Variants in ADAMTS2 observed in about 807,000 individuals in gnomAD.
ADAMTS2 encodes ADAM metallopeptidase with thrombospondin type 1 motif 2.
ADAMTS2 carries 50 observed loss-of-function variants against 123.0 expected under a neutral mutation model. The observed-to-expected ratio is 0.41, with a 90% CI of 0.32 to 0.51. The LOEUF is 0.51. Ranked by LOEUF, ADAMTS2 falls within the 20% of genes least tolerant of loss-of-function variation. ADAMTS2 has a pLI of 0.35. For synonymous variants in ADAMTS2, 678 were observed against 695.4 expected (o/e 0.98, Z 0.39); for missense variants, 1,494 against 1,705.2 (o/e 0.88, Z 2.18).
intron 2 of ADAMTS2, among the ~76,000 whole-genome samples, chr5:179,275,980 C>A (rs202005537): frequency 0.038 from 5,857 of 152,270 alleles, 150 homozygotes; most frequent in Non-Finnish European, 0.063. Context: ...GCCTAGGAGG[C>A]AGTGGTAACC....
chr5:179,169,341 C>T (rs1209489388), intron 5 of ADAMTS2, among the ~76,000 whole-genome samples: 2 of 152,200 alleles, frequency 1.3e-5, no homozygotes, highest in East Asian at 3.9e-4. Context: ...TCCCAGCCCC[C>T]AGAACAGTGA....
chr5:179,316,507 C>G lies in ADAMTS2; in HGVS notation c.534+27260G>C. 1.3e-5 allele frequency among the ~76,000 whole-genome samples: 2 copies of G among 152,210 alleles called. 1 individual carries two copies. The highest frequency in any genetic ancestry group is 2.9e-5 in the Non-Finnish European group (2 of 68,026). ...GGGCTCCCCAGCCCCACAGAACACC[C>G]TCCCCACTCCCAGGGATGGCATTTG... On this transcript the variant is annotated intron_variant, in intron 2 of 21. Transcript: ENST00000251582.
chr5:179,299,549 A>ACACACACACG (rs1210894332), intron 2 of ADAMTS2, among the ~76,000 whole-genome samples: 9 of 150,436 alleles, frequency 6.0e-5, no homozygotes, highest in Non-Finnish European at 7.4e-5. Context: ...ACACACACAC[A>ACACACACACG]CACACACACA....
intron 3 of ADAMTS2, among the ~76,000 whole-genome samples, chr5:179,240,727 A>T (rs750587931): frequency 2.0e-5 from 3 of 152,146 alleles, no homozygotes; most frequent in Non-Finnish European, 4.4e-5. Flanking sequence ...GTGCGTGTGG[A>T]TCTTGCTGTT....
intron 3 of ADAMTS2, among the ~76,000 whole-genome samples, chr5:179,238,740 G>GTGGGGTC (rs1765592381): frequency 6.6e-6 from 1 of 152,216 alleles, no homozygotes; most frequent in Admixed American, 6.5e-5. Flanking sequence ...GCTGGGTCGT[G>GTGGGGTC]TGGGGTCTGG....
chr5:179,333,013 C>T (rs1757520462), intron 2 of ADAMTS2, among the ~76,000 whole-genome samples: 1 of 152,188 alleles, frequency 6.6e-6, no homozygotes, highest in Admixed American at 6.5e-5. Flanking sequence ...AGGACCCCTC[C>T]CTACTGTGTG....
intron 10 of ADAMTS2, 82 bp downstream of exon 10, chr5:179,152,060 G>C (rs1000553899): frequency 1.5e-6 from 2 of 1,320,906 alleles, no homozygotes; most frequent in African/African-American, 2.9e-5. Context: ...CCCCACTTCA[G>C]GGCCTGTCCC....
At chr5:179,145,651 T>C (rs531713788) in intron 10 of ADAMTS2, among the ~76,000 whole-genome samples, 2 of 152,182 alleles carry the variant, frequency 1.3e-5, no homozygotes, top group South Asian at 2.1e-4. Context: ...ATGTCCAGAA[T>C]TGGAAAATCG....
At chr5:179,274,102 A>C (rs1463989281) in intron 2 of ADAMTS2, among the ~76,000 whole-genome samples, 2 of 129,660 alleles carry the variant, frequency 1.5e-5, no homozygotes, top group Admixed American at 8.3e-5. Context: ...CCTGCCATCC[A>C]GCCTGCCCTC....
intron 3 of ADAMTS2, among the ~76,000 whole-genome samples, chr5:179,217,838 AC>A (rs200871642): frequency 6.9e-4 from 59 of 85,940 alleles, no homozygotes; most frequent in African/African-American, 2.7e-3. Context: ...CTGAGGGCAG[AC>A]AGGCACACTC....
rs1053008910 is a variant in ADAMTS2, at chr5:179,175,293, G to A, written c.975+5779C>T. On this transcript the variant is annotated intron_variant, in intron 5 of 21. Coordinates refer to ENST00000251582, the MANE Select transcript of ADAMTS2 (RefSeq NM_014244.5). The surrounding 1 kb of genome is among the most constrained non-coding windows in gnomAD (Gnocchi z 4.1). ...TTGGAGGATGTCTCTTCCTTGCTTG[G>A]GTTCCGCAGCTGTCTCAGCCATTCT... Among the ~76,000 whole-genome samples the A allele has an allele frequency of 7.2e-5, 11 of 152,044 alleles. No homozygotes were observed. Among genetic ancestry groups the A allele is most frequent in the African/African-American group, 2.4e-4 (10 of 41,374 alleles).
At chr5:179,204,366 TAA>T (rs1764630807) in intron 4 of ADAMTS2, among the ~76,000 whole-genome samples, 1 of 152,236 alleles carries the variant, frequency 6.6e-6, no homozygotes, top group African/African-American at 2.4e-5. Flanking sequence ...TCACCGCAAT[TAA>T]AATTTTTTAA....
In ADAMTS2 at chr5:179,285,509, A is replaced by G. The variant is rs2113535079; in HGVS notation, c.535-12445T>C. 6.6e-6 allele frequency among the ~76,000 whole-genome samples: 1 copy of G among 152,260 alleles called. No individual in the cohort carries two copies. The highest frequency in any genetic ancestry group is 1.5e-5 in the Non-Finnish European group (1 of 68,012). On this transcript the variant is annotated intron_variant, in intron 2 of 21. Coordinates refer to ENST00000251582, the MANE Select transcript of ADAMTS2 (RefSeq NM_014244.5). The surrounding 1 kb of genome is among the most constrained non-coding windows in gnomAD (Gnocchi z 4.9). Reference sequence around the variant, plus strand: ...ATCTCCATGGCTCCTGCACACACCAATGCCGGGGTAGCCTCCAGGAAACAG... The same window carrying G: ...ATCTCCATGGCTCCTGCACACACCAGTGCCGGGGTAGCCTCCAGGAAACAG...
At position 179,268,752 on chromosome 5, in the gene ADAMTS2, G is replaced by A. The variant is rs567317448; in HGVS notation, c.688+4159C>T. Among the ~76,000 whole-genome samples, 31 of 152,384 alleles carry A rather than the reference G, an allele frequency of 2.0e-4. No homozygotes were observed. In the East Asian group the frequency reaches 5.8e-3, roughly 28 times the overall value. ...GGCAGCAGGACCAGGGCCTGCCTGG[G>A]CTGTGCCTCTGGGCTATATGCCCTG... On this transcript the variant is annotated intron_variant, in intron 3 of 21. Coordinates refer to ENST00000251582, the MANE Select transcript of ADAMTS2 (RefSeq NM_014244.5).
chr5:179,158,605 G>T lies in ADAMTS2; in HGVS notation c.1132+118C>A. On this transcript the variant is annotated intron_variant, in intron 6 of 21. Coordinates refer to ENST00000251582, the MANE Select transcript of ADAMTS2 (RefSeq NM_014244.5). The surrounding 1 kb of genome is among the most constrained non-coding windows in gnomAD (Gnocchi z 5.0). ...ACCCTCACCCAGCTAAGGTGGCCAC[G>T]GCCTTCCCTGCCCTGACACTCTTCC... 7.1e-7 allele frequency: 1 copy of T among 1,408,922 alleles called. No homozygotes were observed. The highest frequency in any genetic ancestry group is 1.2e-5 in the South Asian group (1 of 85,706). 87.3% of individuals were successfully genotyped at this position (1,408,922 alleles called of 1,614,324 possible).
chr5:179,232,148 G>A lies in ADAMTS2; in HGVS notation c.689-24433C>T, dbSNP rs115249039. On this transcript the variant is annotated intron_variant, in intron 3 of 21. Transcript: ENST00000251582. ...TTCCACGTTTATCCTGGACTTTGGT[G>A]CCCTCTCGACACTTGGTTTTGATTA... is the stretch of plus-strand genomic sequence containing the variant. 4.2e-3 allele frequency among the ~76,000 whole-genome samples: 647 copies of A among 152,276 alleles called. 6 individuals are homozygous for A. The highest frequency in any genetic ancestry group is 0.015 in the African/African-American group (614 of 41,552).
At chr5:179,146,547 C>T (rs1209680694) in intron 10 of ADAMTS2, among the ~76,000 whole-genome samples, 1 of 152,194 alleles carries the variant, frequency 6.6e-6, no homozygotes, top group African/African-American at 2.4e-5. Context: ...GTCAACATTT[C>T]ATGGCAAATC....
rs193171648 is a variant in ADAMTS2, at chr5:179,150,652, T to A, written c.1629+1490A>T. On this transcript the variant is annotated intron_variant, in intron 10 of 21. Transcript: ENST00000251582. ...TGGCCCTTGGAAACATTCTGCTGAATGAAGTGAGTCAGACACAAAAGGCCA... is the reference window on the plus strand; with the variant it reads ...TGGCCCTTGGAAACATTCTGCTGAAAGAAGTGAGTCAGACACAAAAGGCCA... 7.4e-3 allele frequency among the ~76,000 whole-genome samples: 1,132 copies of A among 152,214 alleles called. 14 individuals are homozygous for A. Among genetic ancestry groups the A allele is most frequent in the African/African-American group, 0.026 (1,075 of 41,540 alleles).
At chr5:179,236,684 G>A (rs569754446) in intron 3 of ADAMTS2, among the ~76,000 whole-genome samples, 29 of 152,266 alleles carry the variant, frequency 1.9e-4, no homozygotes, top group African/African-American at 4.1e-4. Flanking sequence ...CCAGCTACTC[G>A]GGAGGCTGAG....
Sources: gnomAD v4.1 joint callset for allele counts (sites outside exome capture counted in the v4.1 genomes callset) on GRCh38, gnomAD v4.1.1 for gene constraint, Gnocchi (gnomAD v3.1) non-coding constraint, MANE v1.5 for transcripts, NCBI Gene and HGNC (gene_info 2026-07-23, HGNC 2026-07-21) for gene names.